Variants in LRCH3 observed in about 807,000 individuals in gnomAD.
LRCH3 encodes the protein leucine rich repeats and calponin homology domain containing 3.
Under a neutral mutation model 104.5 loss-of-function variants are expected in LRCH3, and 68 were observed. That is an observed-to-expected ratio of 0.65 (90% confidence interval 0.54 to 0.80). The LOEUF (loss-of-function observed/expected upper bound fraction) is 0.80, where lower values mean the gene tolerates loss of function less well. Ranked by LOEUF, LRCH3 falls within the 30% of genes least tolerant of loss-of-function variation. The pLI, the probability that LRCH3 is intolerant of heterozygous loss-of-function variation, is 0.00. For missense variants in LRCH3, 951 were observed against 953.9 expected (o/e 1.00, Z 0.04); for synonymous variants, 344 against 361.3 (o/e 0.95, Z 0.54).
intron 1 of LRCH3, among the ~76,000 whole-genome samples, chr3:197,801,785 C>A (rs1167342798): frequency 1.3e-5 from 2 of 152,080 alleles, no homozygotes; most frequent in Non-Finnish European, 2.9e-5. Flanking sequence ...TACTATAGTT[C>A]TATAGGTTAG....
At position 197,853,925 on chromosome 3, in the gene LRCH3, A is replaced by G. The variant is rs918136125; in HGVS notation, c.1591-467A>G. On this transcript the variant is annotated intron_variant, in intron 13 of 20. Transcript: ENST00000425562. ...CCTTCTTGATGATTGTTTTCAAGTAATTCATTCTCAAGAAAACTAAAGCTC... is the reference window on the plus strand; with the variant it reads ...CCTTCTTGATGATTGTTTTCAAGTAGTTCATTCTCAAGAAAACTAAAGCTC... Among the ~76,000 whole-genome samples, 4 of 152,186 alleles carry G rather than the reference A, an allele frequency of 2.6e-5. No individual in the cohort carries two copies. In the East Asian group the frequency reaches 7.7e-4, roughly 29 times the overall value.
At chr3:197,808,187 AGAG>A (rs1732711232) in intron 1 of LRCH3, among the ~76,000 whole-genome samples, 1 of 152,198 alleles carries the variant, frequency 6.6e-6, no homozygotes, top group Admixed American at 6.5e-5. Context: ...TGTCCCTGTG[AGAG>A]GAGATTAGGA....
chr3:197,828,763 A>G (rs1031501001), intron 5 of LRCH3, among the ~76,000 whole-genome samples: 24 of 138,456 alleles, frequency 1.7e-4, no homozygotes, highest in African/African-American at 6.4e-4. Flanking sequence ...GCCGGAGTGC[A>G]ATGGTGCGAT....
rs906341651 is a variant in LRCH3 at position 197,883,454 on chromosome 3, G to T, written c.2209-87G>T. On this transcript the variant is annotated intron_variant, in intron 20 of 20. Transcript: ENST00000425562. The surrounding 1 kb of genome is among the most constrained non-coding windows in gnomAD (Gnocchi z 4.2). ...TATCTAAGTTGATGATTGTGAAGGG[G>T]AGAAGTGCTTATTTTTTCCTTTCAG... is the stretch of plus-strand genomic sequence containing the variant. 2.1e-6 allele frequency: 3 copies of T among 1,452,918 alleles called. No individual in the cohort carries two copies. Among genetic ancestry groups the T allele is most frequent in the Non-Finnish European group, 9.1e-7 (1 of 1,096,528 alleles). The allele number at this position is 1,452,918 out of a possible 1,614,324, so 90.0% of individuals were successfully genotyped here.
intron 14 of LRCH3, 96 bp from the exon 15 acceptor site, chr3:197,858,737 CT>C: frequency 1.0e-6 from 1 of 993,538 alleles, no homozygotes; most frequent in Non-Finnish European, 1.6e-6. Flanking sequence ...CGTCAGTGAC[CT>C]TTCCTTTTCT....
At chr3:197,818,162 C>T (rs1734075193) in intron 3 of LRCH3, among the ~76,000 whole-genome samples, 1 of 152,148 alleles carries the variant, frequency 6.6e-6, no homozygotes, top group African/African-American at 2.4e-5. Context: ...TGAACTCCTT[C>T]ACCAAATCAC....
chr3:197,802,680 T>C (rs889061192), intron 1 of LRCH3, among the ~76,000 whole-genome samples: 9 of 152,232 alleles, frequency 5.9e-5, no homozygotes, highest in African/African-American at 2.2e-4. Flanking sequence ...CATTAATCTG[T>C]TCAGATTTTC....
chr3:197,875,953 G>A, intron 20 of LRCH3, 178 bp downstream of exon 20: 2 of 440,688 alleles, frequency 4.5e-6, no homozygotes, highest in Non-Finnish European at 8.0e-6. Context: ...TTATTTCCAA[G>A]GACCACACAA....
chr3:197,798,739 T>G (rs2109104575), intron 1 of LRCH3, among the ~76,000 whole-genome samples: 1 of 152,336 alleles, frequency 6.6e-6, no homozygotes, highest in African/African-American at 2.4e-5. Context: ...GGATCCTTGT[T>G]TATGTCTATT....
In LRCH3 at chr3:197,826,924, A is replaced by G. The variant is rs1735268064; in HGVS notation, c.687A>G (p.Lys229=). 6.8e-6 allele frequency: 11 copies of G among 1,614,094 alleles called. No individual in the cohort carries two copies. Among genetic ancestry groups the G allele is most frequent in the East Asian group, 4.5e-5 (2 of 44,882 alleles). ...TACGGTTAGACTTCTCATGCAATAA[A>G]ATTACCACAATCCCTGTTTGTTATC... ...PLIRLDFSCN[K]ITTIPVCYRN... The change falls in exon 5 of 21, where the codon AAA becomes AAG. Residue 229 remains lysine (K), a synonymous_variant. Coordinates refer to ENST00000425562, the MANE Select transcript of LRCH3 (RefSeq NM_001365715.1).
chr3:197,878,770 GA>G lies in LRCH3; in HGVS notation c.2208+2997del, dbSNP rs1300115758. ...CTGAGGTCCCTCTGCCAGAGGAAGA[GA>G]AGAAACTTCTACCTCCTCGTCTTCC... On this transcript the variant is annotated intron_variant, in intron 20 of 20. Coordinates refer to ENST00000425562, the MANE Select transcript of LRCH3 (RefSeq NM_001365715.1). Among the ~76,000 whole-genome samples the G allele has an allele frequency of 3.3e-5, 5 of 152,230 alleles. 1 individual carries two copies. In the South Asian group the frequency reaches 8.3e-4, roughly 25 times the overall value.
intron 12 of LRCH3, 134 bp from the exon 13 acceptor site, chr3:197,852,427 A>G (rs1739733563): frequency 1.2e-6 from 1 of 808,840 alleles, no homozygotes; most frequent in African/African-American, 1.7e-5. Context: ...TCTAACTAGT[A>G]AATCTAGAAA....
intron 15 of LRCH3, 114 bp downstream of exon 15, chr3:197,859,019 C>A: frequency 1.3e-6 from 1 of 788,368 alleles, no homozygotes; most frequent in South Asian, 1.4e-5. Flanking sequence ...CATAAATATA[C>A]CTGTTTATGG....
rs1472100504 is a variant in LRCH3, at chr3:197,884,694, T to C, written c.*1028T>C. 1 of 152,270 alleles carries C rather than the reference T, an allele frequency of 6.6e-6. No individual in the cohort carries two copies. Among genetic ancestry groups the C allele is most frequent in the African/African-American group, 2.4e-5 (1 of 41,472 alleles). The allele number at this position is 152,270 out of a possible 1,614,324, so 9.4% of individuals were successfully genotyped here. On this transcript the variant is annotated 3_prime_UTR_variant, in exon 21 of 21. Coordinates refer to ENST00000425562, the MANE Select transcript of LRCH3 (RefSeq NM_001365715.1). ...TGGCCCCCTGCATTTTTCACCCACA[T>C]TTAAAATCAAAAGCTATATTATGAG...
In LRCH3 at chr3:197,791,516, G is replaced by C. The variant is rs1363684431; in HGVS notation, c.238G>C (p.Asp80His). 6.3e-7 allele frequency: 1 copy of C among 1,595,746 alleles called. No homozygotes were observed. Among genetic ancestry groups the C allele is most frequent in the Non-Finnish European group, 8.5e-7 (1 of 1,173,422 alleles). ...GTTTCCCCGGGGAGCGGCCAACCAC[G>C]ACCTGACGGACACCACCCGGGCGGG... is the stretch of plus-strand genomic sequence containing the variant. Reference protein sequence around the residue: ...REFPRGAANHDLTDTTRADLS... With the variant: ...REFPRGAANHHLTDTTRADLS... The change falls in exon 1 of 21, where the codon GAC (aspartate) becomes CAC (histidine). Residue 80 changes from aspartate to histidine, a missense_variant. Asp to His is a moderately conservative substitution (Grantham distance 81, BLOSUM62 -1). Coordinates refer to ENST00000425562, the MANE Select transcript of LRCH3 (RefSeq NM_001365715.1).
At chr3:197,843,592 G>T (rs1321585046) in intron 10 of LRCH3, among the ~76,000 whole-genome samples, 1 of 152,328 alleles carries the variant, frequency 6.6e-6, no homozygotes, top group South Asian at 2.1e-4. Flanking sequence ...GCTGAGGCAG[G>T]AGAATTGCTT....
At chr3:197,814,459 TTAG>T in intron 1 of LRCH3, among the ~76,000 whole-genome samples, 1 of 152,214 alleles carries the variant, frequency 6.6e-6, no homozygotes, top group East Asian at 1.9e-4. Context: ...AGATAGTGTA[TTAG>T]TTCTCTGTCA....
chr3:197,872,417 A>T (rs1283960186), intron 19 of LRCH3, among the ~76,000 whole-genome samples: 1 of 151,874 alleles, frequency 6.6e-6, no homozygotes, highest in Non-Finnish European at 1.5e-5. Flanking sequence ...AGAAATGGAA[A>T]AATTAAAGGT....
chr3:197,872,855 T>A (rs1427225180), intron 19 of LRCH3, among the ~76,000 whole-genome samples: 2 of 151,688 alleles, frequency 1.3e-5, no homozygotes, highest in African/African-American at 4.8e-5. Flanking sequence ...AGACTCTGTC[T>A]CAAAAGAAAA....
Sources: allele counts gnomAD v4.1 joint callset (sites outside exome capture counted in the v4.1 genomes callset), GRCh38; gene constraint gnomAD v4.1.1; non-coding constraint Gnocchi (gnomAD v3.1); transcripts MANE v1.5; gene names NCBI Gene and HGNC (gene_info 2026-07-23, HGNC 2026-07-21).